Variants in UGT1A10 observed in about 807,000 individuals in gnomAD.
UGT1A10 encodes UDP glucuronosyltransferase family 1 member A10.
Under a neutral mutation model 45.8 loss-of-function variants are expected in UGT1A10, and 49 were observed. The ratio of observed to expected loss-of-function variants is 1.07; its 90% CI spans 0.85 to 1.36. The LOEUF is 1.36. UGT1A10 is among the 40% of genes most tolerant of loss of function. The probability of loss-of-function intolerance (pLI) is 0.00; values close to 1 mark genes in which losing one functional copy is unlikely to be tolerated. For synonymous variants in UGT1A10, 284 were observed against 249.7 expected (o/e 1.14, Z -1.29); for missense variants, 745 against 668.6 (o/e 1.11, Z -1.26).
chr2:233,764,333 T>C (rs1001712287), intron 1 of UGT1A10, among the ~76,000 whole-genome samples: 8 of 152,206 alleles, frequency 5.3e-5, no homozygotes, highest in African/African-American at 1.9e-4. Flanking sequence ...AAGTAGGGGA[T>C]GGACTTCACC....
intron 1 of UGT1A10, among the ~76,000 whole-genome samples, chr2:233,647,224 G>A (rs1030946717): frequency 2.0e-5 from 3 of 152,182 alleles, no homozygotes; most frequent in South Asian, 2.1e-4. Context: ...GGAAATTGTG[G>A]GAGTTCCAAT....
At chr2:233,765,308 T>A (rs746475199) in intron 1 of UGT1A10, among the ~76,000 whole-genome samples, 3 of 152,234 alleles carry the variant, frequency 2.0e-5, no homozygotes, top group Non-Finnish European at 4.4e-5. Flanking sequence ...CATGCACATA[T>A]TTGTTTATTG....
intron 1 of UGT1A10, chr2:233,671,880 A>G (rs985250046): frequency 2.0e-6 from 3 of 1,537,870 alleles, no homozygotes; most frequent in Admixed American, 2.1e-5. Context: ...TCTCCCACCT[A>G]CTGTATCATA....
Position 233,729,503 on chromosome 2 carries a change from G to A in UGT1A10, c.856-37531G>A, listed in dbSNP as rs1346769357. 1.4e-5 allele frequency: 22 copies of A among 1,614,052 alleles called. No individual in the cohort carries two copies. Among genetic ancestry groups the A allele is most frequent in the Non-Finnish European group, 1.8e-5 (21 of 1,180,050 alleles). Reference sequence around the variant, plus strand: ...AACAATATGTCTTTGGTCTATCATAGGTCTTGTGTGGAGCTACTACATAAT... The same window carrying A: ...AACAATATGTCTTTGGTCTATCATAAGTCTTGTGTGGAGCTACTACATAAT... On this transcript the variant is annotated intron_variant, in intron 1 of 4. Coordinates refer to ENST00000344644, the MANE Select transcript of UGT1A10 (RefSeq NM_019075.4).
At chr2:233,760,273 A>C in intron 1 of UGT1A10, 3 of 1,612,532 alleles carry the variant, frequency 1.9e-6, no homozygotes, top group Non-Finnish European at 1.7e-6. Flanking sequence ...AACCTCTGGC[A>C]GGAGCAAAGG....
At chr2:233,656,618 T>G (rs1319970777) in intron 1 of UGT1A10, among the ~76,000 whole-genome samples, 1 of 152,200 alleles carries the variant, frequency 6.6e-6, no homozygotes, top group Non-Finnish European at 1.5e-5. Context: ...TGTATCTGAT[T>G]GCCACAAAAA....
chr2:233,769,725 C>T lies in UGT1A10; in HGVS notation c.1295+1286C>T, dbSNP rs1699926771. The T allele has an allele frequency of 6.7e-7, 1 of 1,483,194 alleles. No homozygotes were observed. Among genetic ancestry groups the T allele is most frequent in the Non-Finnish European group, 9.0e-7 (1 of 1,115,276 alleles). 91.9% of individuals were successfully genotyped at this position (1,483,194 alleles called of 1,614,324 possible). On this transcript the variant is annotated intron_variant, in intron 4 of 4. Transcript: ENST00000344644. This position sits in a 1 kb window ranked among gnomAD's most constrained non-coding sequence, Gnocchi z 4.4. The stretch of plus-strand genomic sequence containing the variant: ...TCAATGTTGGCTAGGCACCATGGCA[C>T]ACGCCTGTAGTCCCAGCCACTCTGG...
intron 1 of UGT1A10, among the ~76,000 whole-genome samples, chr2:233,725,222 G>C (rs2077398090): frequency 1.1e-5 from 1 of 89,832 alleles, no homozygotes; most frequent in African/African-American, 7.8e-5. Context: ...AGGCAGAGGA[G>C]GCAGAGGCAG....
chr2:233,756,853 G>A (rs1211591788), intron 1 of UGT1A10, among the ~76,000 whole-genome samples: 2 of 151,934 alleles, frequency 1.3e-5, no homozygotes, highest in Non-Finnish European at 2.9e-5. Flanking sequence ...ACATTCTAAC[G>A]GTTCATAAAG....
intron 1 of UGT1A10, chr2:233,648,964 G>T: frequency 5.6e-6 from 8 of 1,441,114 alleles, no homozygotes; most frequent in Non-Finnish European, 5.8e-6. Context: ...TCCCAAACCT[G>T]TGATGCCCAA....
intron 1 of UGT1A10, chr2:233,672,019 C>T: frequency 6.2e-7 from 1 of 1,614,118 alleles, no homozygotes; most frequent in Non-Finnish European, 8.5e-7. Flanking sequence ...AGGGAAGCTA[C>T]TGGTAGTGCC....
chr2:233,651,572 C>T (rs1327687110), intron 1 of UGT1A10, among the ~76,000 whole-genome samples: 1 of 151,878 alleles, frequency 6.6e-6, no homozygotes, highest in Admixed American at 6.6e-5. Context: ...CAAAGAGTGC[C>T]CTTTGACAAA....
chr2:233,672,002 C>T (rs201395034), intron 1 of UGT1A10: 13 of 1,614,092 alleles, frequency 8.1e-6, no homozygotes, highest in African/African-American at 1.3e-5. Flanking sequence ...TGTGGCTTTG[C>T]CGAGGCAGGG....
intron 1 of UGT1A10, among the ~76,000 whole-genome samples, chr2:233,759,688 G>T (rs537890519): frequency 7.0e-6 from 1 of 143,840 alleles, no homozygotes; most frequent in Admixed American, 7.5e-5. Flanking sequence ...TGTGAGTCTG[G>T]CTCACCTCAT....
At chr2:233,738,274 T>G (rs890858116) in intron 1 of UGT1A10, among the ~76,000 whole-genome samples, 8 of 152,200 alleles carry the variant, frequency 5.3e-5, no homozygotes, top group Non-Finnish European at 1.2e-4. Flanking sequence ...GCTCTTTCCT[T>G]TATAAATTAC....
intron 1 of UGT1A10, chr2:233,690,798 C>T (rs1295946330): frequency 9.1e-7 from 1 of 1,097,034 alleles, no homozygotes; most frequent in South Asian, 2.3e-5. Context: ...CACACACACA[C>T]ACCATTCTTA....
At chr2:233,637,830 CTTT>C (rs1372306691) in intron 1 of UGT1A10, among the ~76,000 whole-genome samples, 1 of 152,106 alleles carries the variant, frequency 6.6e-6, no homozygotes, top group African/African-American at 2.4e-5. Context: ...ACATATTCTT[CTTT>C]ATCTTGCATT....
rs958350621 is a variant in UGT1A10 at position 233,758,917 on chromosome 2, C to G, written c.856-8117C>G. ...ACAAATTTGAGTTGTTTTTGCTCAT[C>G]TTTCCCTTTTGACTTCAAATCAGTC... On this transcript the variant is annotated intron_variant, in intron 1 of 4. Coordinates refer to ENST00000344644, the MANE Select transcript of UGT1A10 (RefSeq NM_019075.4). Among the ~76,000 whole-genome samples the G allele has an allele frequency of 5.9e-5, 9 of 152,224 alleles. 1 individual carries two copies. Among genetic ancestry groups the G allele is most frequent in the Admixed American group, 3.3e-4 (5 of 15,286 alleles).
chr2:233,744,646 T>C (rs28899468), intron 1 of UGT1A10, among the ~76,000 whole-genome samples: 5,545 of 151,990 alleles, frequency 0.036, 178 homozygotes, highest in African/African-American at 0.053. Context: ...TCAGCTTCTG[T>C]ATTCAATCTA....
Sources: gnomAD v4.1 joint callset for allele counts (sites outside exome capture counted in the v4.1 genomes callset) on GRCh38, gnomAD v4.1.1 for gene constraint, Gnocchi (gnomAD v3.1) non-coding constraint, MANE v1.5 for transcripts, NCBI Gene and HGNC (gene_info 2026-07-23, HGNC 2026-07-21) for gene names.